Variants in GRAMD2B observed in about 807,000 individuals in gnomAD.
The protein encoded by GRAMD2B is GRAM domain-containing protein 2B.
GRAMD2B carries 41 observed loss-of-function variants against 59.2 expected under a neutral mutation model. The ratio of observed to expected loss-of-function variants is 0.69; its 90% CI spans 0.54 to 0.90. The LOEUF is 0.90. Among genes scored for constraint, GRAMD2B ranks in the 40% least tolerant of loss-of-function variants. The pLI is 0.00. For missense variants in GRAMD2B, 424 were observed against 500.5 expected (o/e 0.85, Z 1.46); for synonymous variants, 161 against 182.7 (o/e 0.88, Z 0.96).
intron 1 of GRAMD2B, among the ~76,000 whole-genome samples, chr5:126,434,508 T>TTTTTAA (rs1561516212): frequency 6.6e-6 from 1 of 151,308 alleles, no homozygotes; most frequent in Non-Finnish European, 1.5e-5. Flanking sequence ...AATTATCCTT[T>TTTTTAA]TTTTTATTTT....
chr5:126,402,686 G>C (rs1334604586), intron 1 of GRAMD2B, among the ~76,000 whole-genome samples: 3 of 152,044 alleles, frequency 2.0e-5, no homozygotes, highest in Non-Finnish European at 4.4e-5. Context: ...GTAAGGCTAT[G>C]AGCAGTATCT....
intron 1 of GRAMD2B, among the ~76,000 whole-genome samples, chr5:126,438,941 A>T (rs1762845849): frequency 6.6e-6 from 1 of 152,188 alleles, no homozygotes. Flanking sequence ...AGGGATGAGA[A>T]TTGGAAGGAT....
intron 8 of GRAMD2B, 42 bp downstream of exon 8, chr5:126,480,749 A>G (rs1771560875): frequency 6.5e-7 from 1 of 1,529,558 alleles, no homozygotes; most frequent in Non-Finnish European, 9.1e-7. Context: ...AAGAAAGGGA[A>G]TATGTCCCAC....
At chr5:126,436,852 G>A (rs1762492994) in intron 1 of GRAMD2B, among the ~76,000 whole-genome samples, 1 of 152,164 alleles carries the variant, frequency 6.6e-6, no homozygotes, top group Non-Finnish European at 1.5e-5. Flanking sequence ...AGGAGGAATA[G>A]GAGTCAGTTG....
In GRAMD2B at chr5:126,469,737, A is replaced by G. The variant is rs369727524; in HGVS notation, c.264A>G (p.Glu88=). 331 of 1,613,972 alleles carry G rather than the reference A, an allele frequency of 2.1e-4. 1 individual carries two copies. The highest frequency in any genetic ancestry group is 2.7e-4 in the Non-Finnish European group (314 of 1,179,968). The change falls in exon 3 of 14, where the codon GAA becomes GAG. Residue 88 remains glutamate, a synonymous_variant. Coordinates refer to ENST00000285689, the MANE Select transcript of GRAMD2B (RefSeq NM_023927.4). ...LASDKNDCKT[E]SKNDPKTERK... is the part of the protein sequence containing the mutation. Reference sequence around the variant, plus strand: ...GTGATAAGAACGACTGTAAAACAGAAAGCAAAAATGACCCTAAGACTGAAA... The same window carrying G: ...GTGATAAGAACGACTGTAAAACAGAGAGCAAAAATGACCCTAAGACTGAAA...
chr5:126,465,048 C>T (rs1768045438), intron 1 of GRAMD2B: 3 of 1,027,144 alleles, frequency 2.9e-6, no homozygotes, highest in Non-Finnish European at 3.5e-6. Flanking sequence ...GGAAGGCTCA[C>T]ACCTGCAGGA....
intron 1 of GRAMD2B, among the ~76,000 whole-genome samples, chr5:126,460,456 T>G (rs527602057): frequency 5.7e-4 from 87 of 152,362 alleles, no homozygotes; most frequent in African/African-American, 2.1e-3. Flanking sequence ...CTTCTTGACT[T>G]GTAAAAATCT....
chr5:126,477,486 C>T (rs1038874508), intron 5 of GRAMD2B, among the ~76,000 whole-genome samples: 1 of 152,158 alleles, frequency 6.6e-6, no homozygotes, highest in Non-Finnish European at 1.5e-5. Flanking sequence ...TAAGATTTAT[C>T]CTCTGGCTTA....
upstream of GRAMD2B, among the ~76,000 whole-genome samples, chr5:126,369,049 T>C (rs1044603834): frequency 2.6e-5 from 4 of 152,218 alleles, no homozygotes; most frequent in African/African-American, 9.6e-5. Context: ...AAATGTTCAC[T>C]ATTCCTCTAC....
intron 1 of GRAMD2B, among the ~76,000 whole-genome samples, chr5:126,418,257 T>C (rs1470145166): frequency 6.6e-6 from 1 of 152,218 alleles, no homozygotes; most frequent in Non-Finnish European, 1.5e-5. Context: ...CTGTAACATT[T>C]GCCATATACA....
chr5:126,478,615 C>A (rs1771104064), intron 6 of GRAMD2B, among the ~76,000 whole-genome samples: 3 of 151,304 alleles, frequency 2.0e-5, no homozygotes, highest in Admixed American at 2.0e-4. Flanking sequence ...GTGGCACACA[C>A]CTGTGGTCTC....
chr5:126,386,305 G>T (rs1451537029), intron 1 of GRAMD2B, among the ~76,000 whole-genome samples: 1 of 152,148 alleles, frequency 6.6e-6, no homozygotes, highest in African/African-American at 2.4e-5. Flanking sequence ...AGGCAAATCC[G>T]AATTCCAAAT....
chr5:126,426,757 T>C (rs12521843), intron 1 of GRAMD2B, among the ~76,000 whole-genome samples: 73,876 of 151,912 alleles, frequency 0.49, 18,086 homozygotes, highest in Admixed American at 0.5. Flanking sequence ...GGAAATTCTA[T>C]GTTTAAAATT....
intron 1 of GRAMD2B, among the ~76,000 whole-genome samples, chr5:126,364,153 C>A (rs1414631832): frequency 6.6e-6 from 1 of 152,124 alleles, no homozygotes; most frequent in Non-Finnish European, 1.5e-5. Flanking sequence ...ACTTTCTTAA[C>A]AAACCTATTT....
At chr5:126,430,500 C>T (rs1242034909) in intron 1 of GRAMD2B, among the ~76,000 whole-genome samples, 2 of 152,120 alleles carry the variant, frequency 1.3e-5, no homozygotes, top group African/African-American at 4.8e-5. Context: ...CCCTCAGGTA[C>T]ATTTATTCTT....
chr5:126,399,361 G>T (rs1234077074), intron 1 of GRAMD2B, among the ~76,000 whole-genome samples: 2 of 152,140 alleles, frequency 1.3e-5, no homozygotes, highest in Non-Finnish European at 2.9e-5. Context: ...CACATGTCGA[G>T]GGAGGCATCT....
intron 1 of GRAMD2B, among the ~76,000 whole-genome samples, chr5:126,379,460 A>T (rs1300447611): frequency 6.6e-6 from 1 of 152,128 alleles, no homozygotes; most frequent in Non-Finnish European, 1.5e-5. Context: ...ATCTATTTTC[A>T]GTTCTTTAAG....
chr5:126,397,504 G>A (rs757644852), intron 1 of GRAMD2B, among the ~76,000 whole-genome samples: 12 of 152,082 alleles, frequency 7.9e-5, no homozygotes, highest in Non-Finnish European at 1.6e-4. Flanking sequence ...GATTATAGGT[G>A]TGAGCCTCCA....
At chr5:126,395,439 A>C (rs1037925488) in intron 1 of GRAMD2B, among the ~76,000 whole-genome samples, 2 of 152,154 alleles carry the variant, frequency 1.3e-5, no homozygotes, top group African/African-American at 4.8e-5. Context: ...GCCTGGTCTG[A>C]CACAAGGCTG....
Sources: allele counts gnomAD v4.1 joint callset (sites outside exome capture counted in the v4.1 genomes callset), GRCh38; gene constraint gnomAD v4.1.1; transcripts MANE v1.5; gene names NCBI Gene and HGNC (gene_info 2026-07-23, HGNC 2026-07-21).